UBR3: variants seen among roughly 807,000 people sequenced by gnomAD.
The protein encoded by UBR3 is E3 ubiquitin-protein ligase UBR3.
Under a neutral mutation model 243.2 loss-of-function variants are expected in UBR3, and 85 were observed. That is an observed-to-expected ratio of 0.35 (90% CI 0.29 to 0.42). The LOEUF is 0.42. Among genes scored for constraint, UBR3 ranks in the 10% least tolerant of loss-of-function variants. The pLI is 1.00. For synonymous variants in UBR3, 748 were observed against 799.8 expected (o/e 0.94, Z 1.09); for missense variants, 1,686 against 2,300.8 (o/e 0.73, Z 5.47).
At chr2:169,900,144 C>T (rs1023271937) in intron 8 of UBR3, among the ~76,000 whole-genome samples, 3 of 152,200 alleles carry the variant, frequency 2.0e-5, no homozygotes, top group African/African-American at 4.8e-5. Context: ...TTCTCCACAT[C>T]CTCTCCAGCG....
intron 24 of UBR3, among the ~76,000 whole-genome samples, chr2:169,974,930 C>T (rs1442410606): frequency 2.0e-5 from 3 of 152,050 alleles, no homozygotes; most frequent in South Asian, 4.1e-4. Flanking sequence ...GCCTGTGATC[C>T]CAGCACTTTG....
At chr2:169,874,906 CTT>C (rs1444900424) in intron 2 of UBR3, among the ~76,000 whole-genome samples, 1 of 152,024 alleles carries the variant, frequency 6.6e-6, no homozygotes, top group East Asian at 1.9e-4. Context: ...CTATACATCT[CTT>C]TATTCATTTC....
At chr2:169,968,910 T>C (rs79628697) in intron 24 of UBR3, among the ~76,000 whole-genome samples, 1 of 152,324 alleles carries the variant, frequency 6.6e-6, no homozygotes, top group African/African-American at 2.4e-5. Context: ...TGATATCTTG[T>C]TGCAGTTTTG....
At chr2:169,903,229 G>A (rs929868451) in intron 8 of UBR3, among the ~76,000 whole-genome samples, 2 of 152,056 alleles carry the variant, frequency 1.3e-5, no homozygotes, top group African/African-American at 4.8e-5. Context: ...ATGATTCCAA[G>A]GCGTTTTTTA....
chr2:169,987,081 G>T (rs2089041124), intron 25 of UBR3, among the ~76,000 whole-genome samples: 2 of 151,986 alleles, frequency 1.3e-5, no homozygotes, highest in South Asian at 4.1e-4. Context: ...ACTGCGTTCA[G>T]CTTTCTTGGT....
At chr2:170,073,749 T>C (rs955450707) in intron 36 of UBR3, 142 bp downstream of exon 36, 115 of 823,768 alleles carry the variant, frequency 1.4e-4, no homozygotes, top group African/African-American at 2.3e-4. Context: ...TGTTTACTTA[T>C]GTAGATTGTA....
intron 24 of UBR3, among the ~76,000 whole-genome samples, chr2:169,976,334 A>G (rs2088442906): frequency 6.6e-6 from 1 of 151,434 alleles, no homozygotes; most frequent in Non-Finnish European, 1.5e-5. Context: ...TACTATGTGT[A>G]TCTGGTCTGC....
intron 32 of UBR3, among the ~76,000 whole-genome samples, chr2:170,050,259 G>A (rs1287051157): frequency 1.3e-5 from 2 of 152,168 alleles, no homozygotes; most frequent in Non-Finnish European, 2.9e-5. Flanking sequence ...ACTTTTTGGA[G>A]AGGGTCAGAG....
intron 1 of UBR3, among the ~76,000 whole-genome samples, chr2:169,870,668 T>C (rs2083405550): frequency 6.6e-6 from 1 of 152,114 alleles, no homozygotes. Context: ...ATTATTTTTT[T>C]TTTGAGACAG....
Position 169,827,648 on chromosome 2 carries a change from T to G in UBR3, c.141T>G (p.Gly47=). ...AALSRPDNRA[G]AEELQALLER... is the part of the protein sequence containing the mutation. ...TCAGCCGGCCGGACAACCGCGCAGG[T>G]GCTGAGGAGCTGCAGGCGCTGCTGG... is the stretch of plus-strand genomic sequence containing the variant. The change falls in exon 1 of 39, where the codon GGT becomes GGG. Residue 47 remains glycine (G), a synonymous_variant. Coordinates refer to ENST00000272793, the MANE Select transcript of UBR3 (RefSeq NM_172070.4). The G allele has an allele frequency of 8.0e-7, 1 of 1,250,532 alleles. No individual in the cohort carries two copies. The highest frequency in any genetic ancestry group is 1.0e-6 in the Non-Finnish European group (1 of 999,004). The allele number at this position is 1,250,532 out of a possible 1,614,324, so 77.5% of individuals were successfully genotyped here. A position where few individuals can be genotyped will look rare whatever the true frequency, so the allele number is the denominator to read the frequency against.
rs2082106229 is a variant in UBR3 at position 169,836,114 on chromosome 2, C to A, written c.545+8062C>A. ...TTTTTGAGATGGAAACTCGCTCTGTCCCCATCAGACTCAGGCTGGAGTGCA... is the reference window on the plus strand; with the variant it reads ...TTTTTGAGATGGAAACTCGCTCTGTACCCATCAGACTCAGGCTGGAGTGCA... On this transcript the variant is annotated intron_variant, in intron 1 of 38. Coordinates refer to ENST00000272793, the MANE Select transcript of UBR3 (RefSeq NM_172070.4). Among the ~76,000 whole-genome samples the A allele has an allele frequency of 2.6e-5, 3 of 117,610 alleles. No homozygotes were observed. The South Asian group carries it at 9.5e-4, about 37-fold the overall frequency. 77.2% of individuals were successfully genotyped at this position (117,610 alleles called of 152,430 possible).
intron 24 of UBR3, among the ~76,000 whole-genome samples, chr2:169,962,113 G>A (rs2087603570): frequency 6.6e-6 from 1 of 152,116 alleles, no homozygotes; most frequent in Non-Finnish European, 1.5e-5. Flanking sequence ...GCCATGTCAT[G>A]AGTATCCCTG....
At position 170,079,891 on chromosome 2, in the gene UBR3, G is replaced by A. The variant is rs1483286620; in HGVS notation, c.5277G>A (p.Gln1759=). 1 of 1,614,008 alleles carries A rather than the reference G, an allele frequency of 6.2e-7. No individual in the cohort carries two copies. The highest frequency in any genetic ancestry group is 1.7e-5 in the Admixed American group (1 of 59,994). ...CTGAGAATTATAACACCATTTTTCAGTACTACCACAGAAAAACCTGTAGTG... is the reference window on the plus strand; with the variant it reads ...CTGAGAATTATAACACCATTTTTCAATACTACCACAGAAAAACCTGTAGTG... ...QLPENYNTIF[Q]YYHRKTCSVC... is the part of the protein sequence containing the mutation. The change falls in exon 37 of 39, where the codon CAG becomes CAA. Residue 1759 remains glutamine (Q), a synonymous_variant. Transcript: ENST00000272793.
At chr2:169,887,704 A>G (rs965578293) in intron 5 of UBR3, among the ~76,000 whole-genome samples, 114 of 152,316 alleles carry the variant, frequency 7.5e-4, no homozygotes, top group Non-Finnish European at 8.8e-5. Flanking sequence ...AACATTACCT[A>G]AATCTCTATC....
chr2:169,925,947 G>C (rs1336365465), intron 14 of UBR3, among the ~76,000 whole-genome samples, 200 bp downstream of exon 14: 1 of 152,194 alleles, frequency 6.6e-6, no homozygotes, highest in Non-Finnish European at 1.5e-5. Flanking sequence ...TTGGTCAAGA[G>C]GCAGAAAGGA....
intron 24 of UBR3, among the ~76,000 whole-genome samples, chr2:169,982,289 C>CA (rs1245380105): frequency 6.6e-6 from 1 of 151,866 alleles, no homozygotes; most frequent in East Asian, 1.9e-4. Context: ...CATTCAGCCA[C>CA]AAAACCCACA....
chr2:169,958,664 G>T, intron 24 of UBR3, 138 bp downstream of exon 24: 1 of 665,234 alleles, frequency 1.5e-6, no homozygotes, highest in Non-Finnish European at 2.4e-6. Flanking sequence ...ACAATATAGT[G>T]ATGGAAGATC....
intron 1 of UBR3, among the ~76,000 whole-genome samples, chr2:169,853,819 A>G (rs577518488): frequency 5.3e-5 from 8 of 150,974 alleles, no homozygotes; most frequent in African/African-American, 2.0e-4. Context: ...ATCTGCATGC[A>G]TTTGTGTTTG....
intron 27 of UBR3, among the ~76,000 whole-genome samples, chr2:170,003,801 C>T (rs549843953): frequency 9.9e-5 from 15 of 152,188 alleles, no homozygotes; most frequent in Admixed American, 4.6e-4. Context: ...CCACCACGCC[C>T]GGCTAATTTT....
Sources: gnomAD v4.1 joint callset for allele counts (sites outside exome capture counted in the v4.1 genomes callset) on GRCh38, gnomAD v4.1.1 for gene constraint, MANE v1.5 for transcripts, NCBI Gene and HGNC (gene_info 2026-07-23, HGNC 2026-07-21) for gene names.